RNF149: variants seen among roughly 807,000 people sequenced by gnomAD.
The protein encoded by RNF149 is E3 ubiquitin-protein ligase RNF149.
Under a neutral mutation model 39.0 loss-of-function variants are expected in RNF149, and 21 were observed. The ratio of observed to expected loss-of-function variants is 0.54; its 90% CI spans 0.38 to 0.77. The LOEUF (loss-of-function observed/expected upper bound fraction) is 0.77, where lower values mean the gene tolerates loss of function less well. Among genes scored for constraint, RNF149 ranks in the 30% least tolerant of loss-of-function variants. The probability of loss-of-function intolerance (pLI) is 0.00; values close to 1 mark genes in which losing one functional copy is unlikely to be tolerated. For missense variants in RNF149, 493 were observed against 534.9 expected (o/e 0.92, Z 0.77); for synonymous variants, 209 against 213.6 (o/e 0.98, Z 0.19).
intron 1 of RNF149, among the ~76,000 whole-genome samples, chr2:101,306,714 A>G (rs756534938): frequency 1.8e-4 from 27 of 152,158 alleles, no homozygotes; most frequent in African/African-American, 6.3e-4. Flanking sequence ...CATCTCCCTC[A>G]GTCTTCAATC....
At chr2:101,298,388 G>A (rs1201025388) in intron 1 of RNF149, among the ~76,000 whole-genome samples, 1 of 152,112 alleles carries the variant, frequency 6.6e-6, no homozygotes, top group African/African-American at 2.4e-5. Flanking sequence ...TCACGCTACT[G>A]TACTCCAGCC....
chr2:101,291,655 A>G (rs1265220601), intron 3 of RNF149, among the ~76,000 whole-genome samples: 1 of 152,222 alleles, frequency 6.6e-6, no homozygotes, highest in Non-Finnish European at 1.5e-5. Flanking sequence ...ATTTAAAATT[A>G]TATGCTTCAA....
chr2:101,283,291 T>C (rs1220926402), intron 5 of RNF149, among the ~76,000 whole-genome samples: 1 of 152,194 alleles, frequency 6.6e-6, no homozygotes, highest in African/African-American at 2.4e-5. Context: ...AAGTGAAATC[T>C]TCAAGAGCCC....
chr2:101,290,180 A>G (rs1245083713), intron 3 of RNF149, among the ~76,000 whole-genome samples: 1 of 152,272 alleles, frequency 6.6e-6, no homozygotes, highest in Non-Finnish European at 1.5e-5. Context: ...CTCCGTCTCA[A>G]AAAACAAAAC....
intron 1 of RNF149, among the ~76,000 whole-genome samples, chr2:101,297,162 T>G (rs1002851246): frequency 6.6e-6 from 1 of 152,038 alleles, no homozygotes; most frequent in Non-Finnish European, 1.5e-5. Context: ...TGAGCCAAGA[T>G]TGCGCCACTG....
chr2:101,271,472 T>TG (rs1415754198), downstream of RNF149: 4 of 151,664 alleles, frequency 2.6e-5, no homozygotes, highest in South Asian at 6.2e-4. Context: ...TCGTTTATAT[T>TG]GGGGAAAAAA....
intron 2 of RNF149, 173 bp downstream of exon 2, chr2:101,294,758 C>A: frequency 3.3e-6 from 2 of 614,342 alleles, no homozygotes; most frequent in South Asian, 2.2e-5. Flanking sequence ...TCCCACAAAA[C>A]AAAAAATTTA....
At chr2:101,278,173 TCTCA>T (rs1475600926) in intron 6 of RNF149, among the ~76,000 whole-genome samples, 2 of 152,158 alleles carry the variant, frequency 1.3e-5, no homozygotes, top group Non-Finnish European at 2.9e-5. Context: ...TGATATAGGG[TCTCA>T]CTCTCTCACC....
chr2:101,296,401 A>G (rs905576052), intron 1 of RNF149, among the ~76,000 whole-genome samples: 8 of 152,224 alleles, frequency 5.3e-5, no homozygotes, highest in Non-Finnish European at 1.2e-4. Context: ...TATTGCTTCT[A>G]AGTTCACTTA....
intron 4 of RNF149, chr2:101,288,645 T>C (rs1340002023): frequency 5.0e-6 from 1 of 199,584 alleles, no homozygotes. Flanking sequence ...TCCCTCATTT[T>C]CCTTGCTCCC....
intron 1 of RNF149, among the ~76,000 whole-genome samples, chr2:101,306,686 T>A (rs147027352): frequency 6.6e-6 from 1 of 152,288 alleles, no homozygotes; most frequent in Non-Finnish European, 1.5e-5. Flanking sequence ...ACTCCCACAG[T>A]TTCTGCCCAT....
intron 1 of RNF149, among the ~76,000 whole-genome samples, chr2:101,306,558 C>A (rs955656217): frequency 6.6e-6 from 1 of 152,158 alleles, no homozygotes; most frequent in East Asian, 1.9e-4. Flanking sequence ...GTCCTTGGAC[C>A]GCCTGTGACC....
chr2:101,278,722 CTG>C (rs1190862770), intron 6 of RNF149, among the ~76,000 whole-genome samples: 22 of 152,202 alleles, frequency 1.4e-4, no homozygotes, highest in Non-Finnish European at 2.6e-4. Flanking sequence ...ATACTATACA[CTG>C]TTATGAACTG....
chr2:101,285,998 C>G (rs1248364956), intron 5 of RNF149, 83 bp downstream of exon 5: 2 of 795,212 alleles, frequency 2.5e-6, no homozygotes, highest in Non-Finnish European at 4.3e-6. Flanking sequence ...TCACCTGTTC[C>G]TCTTGTTTCT....
chr2:101,271,336 A>G (rs1682123088), downstream of RNF149: 2 of 152,174 alleles, frequency 1.3e-5, no homozygotes, highest in African/African-American at 4.8e-5. Flanking sequence ...CTTGAAAATA[A>G]AAGTTTACCT....
At chr2:101,297,706 C>T (rs1319883770) in intron 1 of RNF149, among the ~76,000 whole-genome samples, 6 of 152,130 alleles carry the variant, frequency 3.9e-5, no homozygotes, top group Non-Finnish European at 8.8e-5. Flanking sequence ...AATCCACATA[C>T]CACAAAATTC....
downstream of RNF149, among the ~76,000 whole-genome samples, chr2:101,275,444 T>C (rs1192419708): frequency 2.2e-5 from 2 of 90,982 alleles, no homozygotes; most frequent in African/African-American, 4.5e-5. Context: ...TTTTTTTTTT[T>C]TTTTTTTTTT....
chr2:101,290,886 ACCT>A (rs1458971254), intron 3 of RNF149, among the ~76,000 whole-genome samples: 1 of 152,160 alleles, frequency 6.6e-6, no homozygotes, highest in South Asian at 2.1e-4. Context: ...GGATCTACAC[ACCT>A]GGTCTCACCC....
chr2:101,294,263 T>G lies in RNF149; in HGVS notation c.712-181A>C. On this transcript the variant is annotated intron_variant, in intron 2 of 6. Transcript: ENST00000295317. ...AAACTGCGATTACTTTTGCACCAAC[T>G]TCATAAAAAAGCCCCCTAACAACAA... The G allele has an allele frequency of 1.7e-5, 8 of 472,716 alleles. No homozygotes were observed. The Middle Eastern group carries it at 1.8e-3, about 106-fold the overall frequency. The allele number at this position is 472,716 out of a possible 1,614,324, so 29.3% of individuals were successfully genotyped here.
Sources: allele counts gnomAD v4.1 joint callset (sites outside exome capture counted in the v4.1 genomes callset), GRCh38; gene constraint gnomAD v4.1.1; transcripts MANE v1.5; gene names NCBI Gene and HGNC (gene_info 2026-07-23, HGNC 2026-07-21).